The following IWS1 variants were observed in gnomAD, a reference collection of about 807,000 sequenced individuals.
IWS1 encodes the protein protein IWS1 homolog.
IWS1 carries 27 observed loss-of-function variants against 86.7 expected under a neutral mutation model. That is an observed-to-expected ratio of 0.31 (90% CI 0.23 to 0.43). The LOEUF (loss-of-function observed/expected upper bound fraction) is 0.43, where lower values mean the gene tolerates loss of function less well. Ranked by LOEUF, IWS1 falls within the 20% of genes least tolerant of loss-of-function variation. IWS1 has a pLI of 1.00. For synonymous variants in IWS1, 313 were observed against 335.1 expected (o/e 0.93, Z 0.72); for missense variants, 827 against 1,000.8 (o/e 0.83, Z 2.34).
In IWS1 at chr2:127,505,433, C is replaced by A; in HGVS notation, c.470G>T (p.Ser157Ile). Residue 157 changes from serine (S) to isoleucine (I), a missense_variant, in exon 3 of 14, where the codon AGT (serine) becomes ATT (isoleucine). Ser to Ile is a moderately radical substitution (Grantham distance 142, BLOSUM62 -2). Transcript: ENST00000295321. This position sits in a 1 kb window ranked among gnomAD's most constrained non-coding sequence, Gnocchi z 5.0. Reference protein sequence around the residue: ...ENEDVGKHPASDSEIEELQKS... With the variant: ...ENEDVGKHPAIDSEIEELQKS... ...CTGGAGCTCCTCAATCTCAGAATCA[C>A]TGGCGGGATGCTTCCCAACATCTTC... 6.2e-7 allele frequency: 1 copy of A among 1,614,152 alleles called. No individual in the cohort carries two copies. The highest frequency in any genetic ancestry group is 8.5e-7 in the Non-Finnish European group (1 of 1,180,016).
intron 2 of IWS1, among the ~76,000 whole-genome samples, chr2:127,508,379 A>G (rs1691259888): frequency 6.6e-6 from 1 of 152,182 alleles, no homozygotes; most frequent in Non-Finnish European, 1.5e-5. Context: ...GACAACAGGC[A>G]TGTTTGCATG....
At chr2:127,509,707 CAAAAA>C (rs34526019) in intron 2 of IWS1, among the ~76,000 whole-genome samples, 6 of 55,474 alleles carry the variant, frequency 1.1e-4, no homozygotes, top group African/African-American at 4.4e-4. Flanking sequence ...CACTCCATCT[CAAAAA>C]AAAAAAAAAA....
intron 12 of IWS1, among the ~76,000 whole-genome samples, chr2:127,488,513 T>A (rs1185379303): frequency 6.6e-6 from 1 of 152,224 alleles, no homozygotes; most frequent in African/African-American, 2.4e-5. Context: ...ATGACAGCTT[T>A]GCCTCTGCAA....
At chr2:127,522,732 C>T (rs1292898779) in intron 2 of IWS1, among the ~76,000 whole-genome samples, 1 of 152,148 alleles carries the variant, frequency 6.6e-6, no homozygotes, top group African/African-American at 2.4e-5. Flanking sequence ...TTGTTTCAGT[C>T]GTATCTACCA....
intron 12 of IWS1, chr2:127,488,081 T>G (rs1442081491): frequency 6.5e-6 from 1 of 153,220 alleles, no homozygotes; most frequent in East Asian, 1.9e-4. Flanking sequence ...CCCATGCTTT[T>G]GTCATTGCCA....
chr2:127,522,389 C>T (rs2104746453), intron 2 of IWS1, among the ~76,000 whole-genome samples: 1 of 152,296 alleles, frequency 6.6e-6, no homozygotes, highest in Non-Finnish European at 1.5e-5. Context: ...TTCTTCACAG[C>T]ATTTGTTATC....
Position 127,505,691 on chromosome 2 carries a change from T to C in IWS1, c.212A>G (p.Asn71Ser). 5 of 1,613,316 alleles carry C rather than the reference T, an allele frequency of 3.1e-6. No individual in the cohort carries two copies. Among genetic ancestry groups the C allele is most frequent in the Non-Finnish European group, 4.2e-6 (5 of 1,179,812 alleles). ...AGCATTAAGATTTAAGGGCTCATCG[T>C]TCTCAGAGTCTGTCACATGATGTCC... The part of the protein sequence containing the change: ...PKGHHVTDSE[N>S]DEPLNLNASD... The change falls in exon 3 of 14, where the codon AAC becomes AGC. Residue 71 changes from asparagine to serine, a missense_variant. Coordinates refer to ENST00000295321, the MANE Select transcript of IWS1 (RefSeq NM_017969.3). This position sits in a 1 kb window ranked among gnomAD's most constrained non-coding sequence, Gnocchi z 5.0.
rs1024734949 is a variant in IWS1, at chr2:127,499,514, T to C, written c.1468-1277A>G. ...AATTTTTTTCTAACTGAACTGAAAC[T>C]ATAACCAAGTTGATGTTAAGTCTCC... On this transcript the variant is annotated intron_variant, in intron 5 of 13. Coordinates refer to ENST00000295321, the MANE Select transcript of IWS1 (RefSeq NM_017969.3). This position sits in a 1 kb window ranked among gnomAD's most constrained non-coding sequence, Gnocchi z 4.0. Among the ~76,000 whole-genome samples the C allele has an allele frequency of 1.3e-5, 2 of 152,222 alleles. No homozygotes were observed. Among genetic ancestry groups the C allele is most frequent in the Admixed American group, 1.3e-4 (2 of 15,276 alleles).
intron 2 of IWS1, among the ~76,000 whole-genome samples, chr2:127,521,007 T>C (rs777551): frequency 0.19 from 29,644 of 152,230 alleles, 5,953 homozygotes; most frequent in African/African-American, 0.51. Flanking sequence ...CACCTGTAAT[T>C]CCAGCACTTT....
intron 8 of IWS1, chr2:127,494,318 T>A (rs544657975): frequency 6.6e-6 from 1 of 151,326 alleles, no homozygotes; most frequent in East Asian, 1.9e-4. Context: ...AAGGGCATCA[T>A]TACTTCAGAA....
Position 127,489,370 on chromosome 2 carries a change from A to C in IWS1, c.2160-135T>G. On this transcript the variant is annotated intron_variant, in intron 11 of 13. Transcript: ENST00000295321. The surrounding 1 kb of genome is among the most constrained non-coding windows in gnomAD (Gnocchi z 4.8). ...GATGGATCAGGGAAAATAATTCCTA[A>C]TCTTTAAAAAGTACTACTCATTTTA... is the stretch of plus-strand genomic sequence containing the variant. 1 of 650,278 alleles carries C rather than the reference A, an allele frequency of 1.5e-6. No homozygotes were observed. Among genetic ancestry groups the C allele is most frequent in the Admixed American group, 3.0e-5 (1 of 33,306 alleles). The allele number at this position is 650,278 out of a possible 1,614,324, so 40.3% of individuals were successfully genotyped here.
chr2:127,481,303 T>C, intron 13 of IWS1, 128 bp from the exon 14 acceptor site: 1 of 778,370 alleles, frequency 1.3e-6, no homozygotes, highest in Non-Finnish European at 2.0e-6. Flanking sequence ...GAATGTGTGT[T>C]GATGACCTCA....
Position 127,523,553 on chromosome 2 carries a change from G to A in IWS1, c.150+123C>T, listed in dbSNP as rs10175642. ...TTCAAGCGGTTTTCTATTAACTTAT[G>A]CTCCTTTACTCTCAGAGATTAAACC... On this transcript the variant is annotated intron_variant, in intron 2 of 13. Coordinates refer to ENST00000295321, the MANE Select transcript of IWS1 (RefSeq NM_017969.3). The A allele has an allele frequency of 1.2e-3, 788 of 633,754 alleles. 6 individuals are homozygous for A. The African/African-American group carries it at 0.013, about 10-fold the overall frequency. 39.3% of individuals were successfully genotyped at this position (633,754 alleles called of 1,614,324 possible).
chr2:127,495,668 G>A (rs937262123), intron 7 of IWS1, among the ~76,000 whole-genome samples: 3 of 152,154 alleles, frequency 2.0e-5, no homozygotes, highest in Non-Finnish European at 4.4e-5. Context: ...GCAAGAGAAC[G>A]ACACATGAAT....
intron 2 of IWS1, among the ~76,000 whole-genome samples, chr2:127,516,627 G>A (rs986616878): frequency 2.0e-5 from 3 of 152,024 alleles, no homozygotes; most frequent in South Asian, 4.1e-4. Context: ...CAGGCATGAT[G>A]GTACGCAACT....
In IWS1 at chr2:127,498,293, T is replaced by G. The variant is rs546094659; in HGVS notation, c.1468-56A>C. 1.1e-5 allele frequency: 17 copies of G among 1,539,576 alleles called. No homozygotes were observed. In the African/African-American group the frequency reaches 2.2e-4, roughly 20 times the overall value. On this transcript the variant is annotated intron_variant, in intron 5 of 13. Transcript: ENST00000295321. Reference sequence around the variant, plus strand: ...AGATTTTCTTCTGTATTAAGTGTTCTTAATATTTTGCATTTTTAAAGTAAT... The same window carrying G: ...AGATTTTCTTCTGTATTAAGTGTTCGTAATATTTTGCATTTTTAAAGTAAT...
chr2:127,498,050 G>A (rs1394118688), intron 6 of IWS1, 90 bp downstream of exon 6: 12 of 1,020,510 alleles, frequency 1.2e-5, no homozygotes, highest in Non-Finnish European at 1.8e-5. Context: ...AACTTAATCA[G>A]GAACCAAAAT....
At chr2:127,520,215 C>T (rs1175127037) in intron 2 of IWS1, among the ~76,000 whole-genome samples, 2 of 152,280 alleles carry the variant, frequency 1.3e-5, no homozygotes, top group African/African-American at 2.4e-5. Context: ...TGTCGCCAGG[C>T]TGGAGTGCAG....
At chr2:127,510,741 C>T (rs188983232) in intron 2 of IWS1, among the ~76,000 whole-genome samples, 10 of 152,128 alleles carry the variant, frequency 6.6e-5, no homozygotes, top group African/African-American at 2.4e-4. Flanking sequence ...TCCGCCTTGG[C>T]CTCCCAACCA....
Sources: gnomAD v4.1 joint callset for allele counts (sites outside exome capture counted in the v4.1 genomes callset) on GRCh38, gnomAD v4.1.1 for gene constraint, Gnocchi (gnomAD v3.1) non-coding constraint, MANE v1.5 for transcripts, NCBI Gene and HGNC (gene_info 2026-07-23, HGNC 2026-07-21) for gene names.